Variants in ISG20L2 observed in about 807,000 individuals in gnomAD.
ISG20L2 encodes the protein interferon-stimulated 20 kDa exonuclease-like 2.
Under a neutral mutation model 27.8 loss-of-function variants are expected in ISG20L2, and 14 were observed. The observed-to-expected ratio is 0.50, with a 90% confidence interval of 0.33 to 0.79. ISG20L2 has a LOEUF of 0.79. ISG20L2 is among the 30% of genes least tolerant of loss of function. The probability of loss-of-function intolerance (pLI) is 0.02; values close to 1 mark genes in which losing one functional copy is unlikely to be tolerated. For missense variants in ISG20L2, 393 were observed against 435.1 expected, an observed-to-expected ratio of 0.90 and a Z score of 0.86; for synonymous variants, 157 against 165.7, an observed-to-expected ratio of 0.95 and a Z score of 0.40.
chr1:156,726,844 A>G, intron 2 of ISG20L2, 62 bp downstream of exon 2: 1 of 1,551,490 alleles, frequency 6.4e-7, no homozygotes, highest in Non-Finnish European at 8.7e-7. Context: ...TCCTTTGCTG[A>G]AAAATGATTT....
chr1:156,724,136 G>A lies in ISG20L2; in HGVS notation c.948+12C>T, dbSNP rs780044263. On this transcript the variant is annotated intron_variant, in intron 3 of 3. Transcript: ENST00000368219. ...GTCCAAGATGGGGGCGGGGGATGTGGGGAGATGCTACCTGGATATCCCGGT... is the reference window on the plus strand; with the variant it reads ...GTCCAAGATGGGGGCGGGGGATGTGAGGAGATGCTACCTGGATATCCCGGT... The A allele has an allele frequency of 1.2e-6, 2 of 1,609,980 alleles. No individual in the cohort carries two copies. The highest frequency in any genetic ancestry group is 1.7e-6 in the Non-Finnish European group (2 of 1,176,398).
Position 156,727,638 on chromosome 1 carries a change from C to T in ISG20L2, c.15G>A (p.Leu5=). The change falls in exon 2 of 4, where the codon CTG becomes CTA. Residue 5 remains leucine (L), a synonymous_variant. Coordinates refer to ENST00000368219, the MANE Select transcript of ISG20L2 (RefSeq NM_001370150.2). ...GAGGTTCCCCAAAATCCAGATTGAGCAGTAAAGTAGACATAGGGACAATGG... is the reference window on the plus strand; with the variant it reads ...GAGGTTCCCCAAAATCCAGATTGAGTAGTAAAGTAGACATAGGGACAATGG... MSTL[L]LNLDFGEPPP... 6.2e-7 allele frequency: 1 copy of T among 1,612,990 alleles called. No individual in the cohort carries two copies. Among genetic ancestry groups the T allele is most frequent in the Non-Finnish European group, 8.5e-7 (1 of 1,179,850 alleles).
Position 156,727,249 on chromosome 1 carries a change from C to T in ISG20L2, c.404G>A (p.Arg135His), listed in dbSNP as rs773463298. The T allele has an allele frequency of 1.5e-5, 24 of 1,613,862 alleles. No individual in the cohort carries two copies. Among genetic ancestry groups the T allele is most frequent in the East Asian group, 2.2e-5 (1 of 44,902 alleles). The change falls in exon 2 of 4, where the codon CGC becomes CAC. Residue 135 changes from arginine to histidine, a missense_variant. Physicochemically the swap from Arg to His is conservative, Grantham distance 29. Around this residue, in one of 3 missense-constraint regions of ISG20L2, gnomAD observed 183 missense variants for 168.2 expected, o/e 1.09. Transcript: ENST00000368219. ...ALPKINSHPT[R>H]SQKKSSQKKS... ...CTTCTGGGAGCTCTTCTTCTGAGAG[C>T]GGGTTGGGTGGCTATTGATCTTTGG...
intron 2 of ISG20L2, chr1:156,726,648 T>G (rs1347892190): frequency 9.3e-6 from 9 of 971,046 alleles, no homozygotes; most frequent in Non-Finnish European, 1.1e-5. Flanking sequence ...CCTCCCAAAG[T>G]GCTGGGATTA....
chr1:156,727,392 C>A lies in ISG20L2; in HGVS notation c.261G>T (p.Gly87=). 2 of 1,614,156 alleles carry A rather than the reference C, an allele frequency of 1.2e-6. No individual in the cohort carries two copies. The highest frequency in any genetic ancestry group is 2.2e-5 in the East Asian group (1 of 44,882). The change falls in exon 2 of 4, where the codon GGG becomes GGT. Residue 87 remains glycine (G), a synonymous_variant. Coordinates refer to ENST00000368219, the MANE Select transcript of ISG20L2 (RefSeq NM_001370150.2). ...PKKKTAASSN[G]SGQPLDKKAA... is the part of the protein sequence containing the mutation. The stretch of plus-strand genomic sequence containing the variant: ...CTTTCTTGTCCAGGGGCTGTCCTGA[C>A]CCATTGCTGGAAGCAGCTGTCTTCT...
rs1238370664 is a variant in ISG20L2, at chr1:156,728,708, A to C, written c.-411T>G. On this transcript the variant is annotated 5_prime_UTR_variant, in exon 1 of 4. Coordinates refer to ENST00000368219, the MANE Select transcript of ISG20L2 (RefSeq NM_001370150.2). ...CGAAGGTGTGGGAAGGCCGCGATAA[A>C]CCGGAACTGCAGCCCGCCGGACACC... 1 of 993,564 alleles carries C rather than the reference A, an allele frequency of 1.0e-6. No homozygotes were observed. The highest frequency in any genetic ancestry group is 1.2e-6 in the Non-Finnish European group (1 of 834,682). 61.5% of individuals were successfully genotyped at this position (993,564 alleles called of 1,614,324 possible).
Position 156,726,924 on chromosome 1 carries a change from GA to G in ISG20L2, c.728del (p.Phe243SerfsTer9). 1 of 1,613,882 alleles carries G rather than the reference GA, an allele frequency of 6.2e-7. No homozygotes were observed. The highest frequency in any genetic ancestry group is 8.5e-7 in the Non-Finnish European group (1 of 1,179,816). ...RKQHMVNATPFKIARGQILKI... is the reference protein window; with the variant it reads ...RKQHMVNATPXKIARGQILKI... The stretch of plus-strand genomic sequence containing the variant: ...TTCTTACCTGGCCTCGAGCAATCTT[GA>G]AGGGTGTGGCATTCACCATGTGCTG... On this transcript the variant is annotated frameshift_variant, in exon 2 of 4. Coordinates refer to ENST00000368219, the MANE Select transcript of ISG20L2 (RefSeq NM_001370150.2). LOFTEE classifies it high-confidence loss of function.
chr1:156,727,227 C>T lies in ISG20L2; in HGVS notation c.426G>A (p.Gln142=). The change falls in exon 2 of 4, where the codon CAG becomes CAA. Residue 142 remains glutamine, a synonymous_variant. Coordinates refer to ENST00000368219, the MANE Select transcript of ISG20L2 (RefSeq NM_001370150.2). ...GATGGTTCTTTTTAGAGGATTTCTT[C>T]TGGGAGCTCTTCTTCTGAGAGCGGG... ...HPTRSQKKSS[Q]KKSSKKNHPQ... The T allele has an allele frequency of 6.2e-7, 1 of 1,613,966 alleles. No homozygotes were observed. Among genetic ancestry groups the T allele is most frequent in the Non-Finnish European group, 8.5e-7 (1 of 1,180,022 alleles).
At position 156,727,366 on chromosome 1, in the gene ISG20L2, G is replaced by A; in HGVS notation, c.287C>T (p.Ala96Val). The A allele has an allele frequency of 1.2e-6, 2 of 1,614,208 alleles. No individual in the cohort carries two copies. The highest frequency in any genetic ancestry group is 1.7e-6 in the Non-Finnish European group (2 of 1,180,028). The change falls in exon 2 of 4, where the codon GCT becomes GTT. Residue 96 changes from alanine to valine, a missense_variant. Physicochemically the swap from Ala to Val is moderately conservative, Grantham distance 64. Coordinates refer to ENST00000368219, the MANE Select transcript of ISG20L2 (RefSeq NM_001370150.2). ...GGCAGGGGTCAACCAAGACACTGCA[G>A]CTTTCTTGTCCAGGGGCTGTCCTGA... is the stretch of plus-strand genomic sequence containing the variant. The part of the protein sequence containing the change: ...NGSGQPLDKK[A>V]AVSWLTPAPS...
chr1:156,724,425 C>T (rs1648670250), intron 2 of ISG20L2, 77 bp from the exon 3 acceptor site: 2 of 1,420,342 alleles, frequency 1.4e-6, no homozygotes, highest in Non-Finnish European at 1.9e-6. Flanking sequence ...CCCAACATGA[C>T]CATCAATCCC....
chr1:156,726,744 C>T (rs1048221687), intron 2 of ISG20L2, 162 bp downstream of exon 2: 4 of 985,454 alleles, frequency 4.1e-6, no homozygotes, highest in African/African-American at 1.7e-5. Flanking sequence ...CTGACTTTCA[C>T]TGCTTCTTCC....
In ISG20L2 at chr1:156,728,058, C is replaced by G. The variant is rs191839260; in HGVS notation, c.-117-289G>C. 4.0e-6 allele frequency: 4 copies of G among 1,007,582 alleles called. No individual in the cohort carries two copies. The African/African-American group carries it at 5.2e-5, about 13-fold the overall frequency. The allele number at this position is 1,007,582 out of a possible 1,614,324, so 62.4% of individuals were successfully genotyped here. The stretch of plus-strand genomic sequence containing the variant: ...AGGGAGTGGAGGGGCTTATAGAGCT[C>G]GAACCCTCTGAGTCTAAGAGGCTAG... On this transcript the variant is annotated intron_variant, in intron 1 of 3. Transcript: ENST00000368219.
At chr1:156,723,728 C>A (rs1339835818) in intron 3 of ISG20L2, 1 of 985,266 alleles carries the variant, frequency 1.0e-6, no homozygotes, top group Non-Finnish European at 1.2e-6. Context: ...ATAGAACATA[C>A]CAGGTCAAAG....
rs1292159980 is a variant in ISG20L2 at position 156,724,283 on chromosome 1, A to C, written c.813T>G (p.Leu271=). 1 of 1,613,980 alleles carries C rather than the reference A, an allele frequency of 6.2e-7. No homozygotes were observed. Among genetic ancestry groups the C allele is most frequent in the Admixed American group, 1.7e-5 (1 of 60,006 alleles). The stretch of plus-strand genomic sequence containing the variant: ...TGAGGGACTTGGGGTGAAAGTACTG[A>C]AGGGCTTTGAAGTCGTTGTGGATGG... ...GHAIHNDFKA[L]QYFHPKSLTR... is the part of the protein sequence containing the mutation. The change falls in exon 3 of 4, where the codon CTT becomes CTG. Residue 271 remains leucine, a synonymous_variant. Transcript: ENST00000368219.
chr1:156,728,271 TC>T (rs1192116507), intron 1 of ISG20L2, 143 bp downstream of exon 1: 1 of 985,844 alleles, frequency 1.0e-6, no homozygotes, highest in Non-Finnish European at 1.2e-6. Context: ...TCCGCATGCA[TC>T]TCACCCAAGT....
At chr1:156,724,006 C>T in intron 3 of ISG20L2, 142 bp downstream of exon 3, 2 of 1,140,986 alleles carry the variant, frequency 1.8e-6, no homozygotes, top group Non-Finnish European at 2.5e-6. Flanking sequence ...GAATTATTAT[C>T]CTGTGTACAG....
In ISG20L2 at chr1:156,727,424, G is replaced by A. The variant is rs770603319; in HGVS notation, c.229C>T (p.Pro77Ser). ...VDGTWKTPSF[P>S]KKKTAASSNG... ...CTGGAAGCAGCTGTCTTCTTTTTTG[G>A]GAAGGAAGGGGTCTTCCAAGTGCCA... Residue 77 changes from proline to serine, a missense_variant, in exon 2 of 4, where the codon CCA becomes TCA. This residue lies in a region of ISG20L2 where 183 missense variants were observed against 168.2 expected (regional missense o/e 1.09). Transcript: ENST00000368219. The A allele has an allele frequency of 6.2e-7, 1 of 1,613,966 alleles. No homozygotes were observed. Among genetic ancestry groups the A allele is most frequent in the Non-Finnish European group, 8.5e-7 (1 of 1,179,962 alleles).
rs146047012 is a variant in ISG20L2, at chr1:156,727,238, T to C, written c.415A>G (p.Lys139Glu). The C allele has an allele frequency of 3.1e-6, 5 of 1,613,936 alleles. No homozygotes were observed. The African/African-American group carries it at 6.7e-5, about 22-fold the overall frequency. ...TTAGAGGATTTCTTCTGGGAGCTCT[T>C]CTTCTGAGAGCGGGTTGGGTGGCTA... The part of the protein sequence containing the change: ...INSHPTRSQK[K>E]SSQKKSSKKN... The change falls in exon 2 of 4, where the codon AAG becomes GAG. Residue 139 changes from lysine to glutamate, a missense_variant. By Grantham distance (56) the Lys-to-Glu change is moderately conservative (BLOSUM62 1). Transcript: ENST00000368219.
chr1:156,728,661 C>T lies in ISG20L2; in HGVS notation c.-364G>A, dbSNP rs1571499417. On this transcript the variant is annotated 5_prime_UTR_variant, in exon 1 of 4. Transcript: ENST00000368219. Reference sequence around the variant, plus strand: ...GGGCGGGATGCGCTCCCCGGCCCCTCTAGCCCCGTGGTGGTACAACGCGAA... The same window carrying T: ...GGGCGGGATGCGCTCCCCGGCCCCTTTAGCCCCGTGGTGGTACAACGCGAA... The T allele has an allele frequency of 1.1e-5, 11 of 987,252 alleles. No homozygotes were observed. In the South Asian group the frequency reaches 4.5e-4, roughly 40 times the overall value. 61.2% of individuals were successfully genotyped at this position (987,252 alleles called of 1,614,324 possible). A position where few individuals can be genotyped will look rare whatever the true frequency, so the allele number is the denominator to read the frequency against.
Sources: gnomAD v4.1 joint callset for allele counts on GRCh38, gnomAD v4.1.1 for gene constraint, gnomAD v4.1.1 regional missense constraint, MANE v1.5 for transcripts, NCBI Gene and HGNC (gene_info 2026-07-23, HGNC 2026-07-21) for gene names.